The following STXBP4 variants were observed in gnomAD, a reference collection of about 807,000 sequenced individuals.
STXBP4 encodes the protein syntaxin-binding protein 4.
In STXBP4, 55 loss-of-function variants were observed where a neutral mutation model predicts 76.1. The ratio of observed to expected loss-of-function variants is 0.72; its 90% CI spans 0.58 to 0.91. STXBP4 has a LOEUF of 0.91. Ranked by LOEUF, STXBP4 falls within the 40% of genes least tolerant of loss-of-function variation. The probability of loss-of-function intolerance (pLI) is 0.00; values close to 1 mark genes in which losing one functional copy is unlikely to be tolerated. For missense variants in STXBP4, 618 were observed against 636.9 expected, an observed-to-expected ratio of 0.97 and a Z score of 0.32; for synonymous variants, 201 against 220.2, an observed-to-expected ratio of 0.91 and a Z score of 0.77.
At chr17:55,003,537 A>G (rs903166005) in intron 7 of STXBP4, among the ~76,000 whole-genome samples, 12 of 152,208 alleles carry the variant, frequency 7.9e-5, no homozygotes, top group African/African-American at 2.4e-4. Flanking sequence ...GTACCTAATT[A>G]TAGATTGTTA....
chr17:55,060,030 A>G (rs1040320429), intron 12 of STXBP4, among the ~76,000 whole-genome samples: 4 of 152,126 alleles, frequency 2.6e-5, no homozygotes, highest in African/African-American at 7.2e-5. Flanking sequence ...AGTACTTAGT[A>G]TATAGTTTCC....
rs35273109 is a variant in STXBP4 at position 54,980,309 on chromosome 17, TA to T, written c.-156-5296del. ...TTTTTAAAAGGCATTAAATTAACAATAAAAAAAAATAATACCTAGGAATTAA... is the reference window on the plus strand; with the variant it reads ...TTTTTAAAAGGCATTAAATTAACAATAAAAAAAATAATACCTAGGAATTAA... On this transcript the variant is annotated intron_variant, in intron 1 of 17. Transcript: ENST00000376352. Among the ~76,000 whole-genome samples, 74 of 151,062 alleles carry T rather than the reference TA, an allele frequency of 4.9e-4. 1 individual carries two copies. The highest frequency in any genetic ancestry group is 6.9e-3 in the Middle Eastern group (2 of 290).
At chr17:55,088,491 G>C (rs2079367318) in intron 16 of STXBP4, among the ~76,000 whole-genome samples, 3 of 152,156 alleles carry the variant, frequency 2.0e-5, no homozygotes, top group African/African-American at 7.2e-5. Context: ...CGCCTCCCAG[G>C]TTCAAGCAAT....
the STXBP4 span, among the ~76,000 whole-genome samples, chr17:55,185,441 G>T: frequency 0.02 from 2,991 of 151,642 alleles, 107 homozygotes; most frequent in African/African-American, 0.068. Flanking sequence ...CTCAAGTGGG[G>T]TGTGTGTACG....
rs866069678 is a variant in STXBP4, at chr17:55,169,574, C to T, written c.*9663C>T. 59 of 152,126 alleles carry T rather than the reference C, an allele frequency of 3.9e-4. No individual in the cohort carries two copies. Among genetic ancestry groups the T allele is most frequent in the African/African-American group, 1.3e-3 (53 of 41,416 alleles). 9.4% of individuals were successfully genotyped at this position (152,126 alleles called of 1,614,324 possible). On this transcript the variant is annotated 3_prime_UTR_variant, in exon 18 of 18. Coordinates refer to ENST00000376352, the MANE Select transcript of STXBP4 (RefSeq NM_178509.6). ...CTATTATACATCCAAATACTAAAGA[C>T]GCTTAGATGTGAAAAATGTGTGTCT...
chr17:55,123,625 G>A (rs187784281), intron 16 of STXBP4, among the ~76,000 whole-genome samples: 1 of 152,270 alleles, frequency 6.6e-6, no homozygotes, highest in East Asian at 1.9e-4. Context: ...GATGGGCCAG[G>A]TGCGGTGGCT....
chr17:55,070,074 A>T (rs2079103050), intron 12 of STXBP4, among the ~76,000 whole-genome samples: 1 of 152,134 alleles, frequency 6.6e-6, no homozygotes, highest in Admixed American at 6.6e-5. Context: ...GTGATTTTTT[A>T]AAAACATTTT....
At chr17:55,155,706 T>A (rs1431992206) in intron 17 of STXBP4, among the ~76,000 whole-genome samples, 2 of 152,150 alleles carry the variant, frequency 1.3e-5, no homozygotes, top group Non-Finnish European at 2.9e-5. Context: ...ACAGAACAAG[T>A]GCCCTTTTTG....
intron 3 of STXBP4, 86 bp from the exon 4 acceptor site, chr17:54,990,739 A>G (rs2077702065): frequency 1.4e-6 from 2 of 1,464,770 alleles, no homozygotes; most frequent in Admixed American, 5.3e-5. Flanking sequence ...TCTAGATCTC[A>G]GATTTTGATT....
chr17:54,989,703 A>C (rs2077685540), intron 3 of STXBP4, among the ~76,000 whole-genome samples: 4 of 152,252 alleles, frequency 2.6e-5, no homozygotes, highest in Admixed American at 2.6e-4. Context: ...ATCTTATTTC[A>C]AACTTAATTC....
At chr17:55,151,017 T>C (rs1258088828) in intron 17 of STXBP4, among the ~76,000 whole-genome samples, 1 of 152,086 alleles carries the variant, frequency 6.6e-6, no homozygotes, top group African/African-American at 2.4e-5. Flanking sequence ...ATTTAGGATA[T>C]GTTATGTTGC....
intron 9 of STXBP4, among the ~76,000 whole-genome samples, chr17:55,032,805 C>T (rs2078532691): frequency 6.6e-6 from 1 of 152,104 alleles, no homozygotes; most frequent in Admixed American, 6.5e-5. Flanking sequence ...TTACTATAGG[C>T]AGAAGACTAT....
At chr17:55,024,370 A>G (rs759031358) in intron 8 of STXBP4, among the ~76,000 whole-genome samples, 12 of 152,248 alleles carry the variant, frequency 7.9e-5, no homozygotes, top group Non-Finnish European at 1.3e-4. Flanking sequence ...CTTCCTTGTC[A>G]GCCGGTGATA....
chr17:55,131,783 A>G (rs1022980711), intron 16 of STXBP4, among the ~76,000 whole-genome samples: 11 of 152,112 alleles, frequency 7.2e-5, no homozygotes, highest in Non-Finnish European at 2.9e-5. Context: ...CTGCCTTAAG[A>G]CAGGGTCTGG....
chr17:54,979,436 A>T (rs1209169407), intron 1 of STXBP4, among the ~76,000 whole-genome samples: 6 of 152,182 alleles, frequency 3.9e-5, no homozygotes, highest in Non-Finnish European at 8.8e-5. Flanking sequence ...CAAGAAAGCA[A>T]TTAAATCTCT....
At chr17:55,089,667 T>C (rs2079384612) in intron 16 of STXBP4, among the ~76,000 whole-genome samples, 1 of 152,218 alleles carries the variant, frequency 6.6e-6, no homozygotes, top group East Asian at 1.9e-4. Flanking sequence ...AGTTTTGAAC[T>C]ACATGTTCAG....
chr17:55,057,646 G>A (rs2078944909), intron 12 of STXBP4, among the ~76,000 whole-genome samples: 1 of 152,038 alleles, frequency 6.6e-6, no homozygotes, highest in Non-Finnish European at 1.5e-5. Flanking sequence ...CTATCAACCC[G>A]ACATCTAGGT....
Position 55,079,009 on chromosome 17 carries a change from A to G in STXBP4, c.1355+274A>G, listed in dbSNP as rs188348227. Among the ~76,000 whole-genome samples the G allele has an allele frequency of 1.0e-3, 159 of 152,302 alleles. 4 individuals carry two copies. Among genetic ancestry groups the G allele is most frequent in the Admixed American group, 0.01 (159 of 15,282 alleles). On this transcript the variant is annotated intron_variant, in intron 15 of 17. Coordinates refer to ENST00000376352, the MANE Select transcript of STXBP4 (RefSeq NM_178509.6). ...ATCCTGTCTTTATCAAAAATTCTATAAAGATGAGATTAACTTAAAATTCTG... is the reference window on the plus strand; with the variant it reads ...ATCCTGTCTTTATCAAAAATTCTATGAAGATGAGATTAACTTAAAATTCTG...
At chr17:54,990,320 G>T (rs2077694612) in intron 3 of STXBP4, among the ~76,000 whole-genome samples, 1 of 152,166 alleles carries the variant, frequency 6.6e-6, no homozygotes, top group South Asian at 2.1e-4. Flanking sequence ...TCTAGGGCAA[G>T]TAAGCATTAC....
Sources: gnomAD v4.1 joint callset for allele counts (sites outside exome capture counted in the v4.1 genomes callset) on GRCh38, gnomAD v4.1.1 for gene constraint, MANE v1.5 for transcripts, NCBI Gene and HGNC (gene_info 2026-07-23, HGNC 2026-07-21) for gene names.